QTGAL: variants seen among roughly 807,000 people sequenced by gnomAD.
QTGAL encodes the protein BGnT-like protein 1.
the QTGAL span, among the ~76,000 whole-genome samples, chr17:82,991,880 A>C: frequency 6.6e-6 from 1 of 152,210 alleles, no homozygotes; most frequent in Non-Finnish European, 1.5e-5. Context: ...AATTAAAAAG[A>C]AGCAGAAATT....
chr17:83,016,297 G>T, the QTGAL span, among the ~76,000 whole-genome samples: 1 of 152,150 alleles, frequency 6.6e-6, no homozygotes, highest in Non-Finnish European at 1.5e-5. Context: ...TGAACGCTAA[G>T]ATGAACTAAA....
At chr17:82,959,463 A>AGT in the QTGAL span, among the ~76,000 whole-genome samples, 2,993 of 151,232 alleles carry the variant, frequency 0.02, 51 homozygotes, top group Non-Finnish European at 0.03. Context: ...GTGCACGTGC[A>AGT]GTGTGTGTGT....
the QTGAL span, among the ~76,000 whole-genome samples, chr17:82,954,645 T>A: frequency 6.6e-6 from 1 of 152,208 alleles, no homozygotes; most frequent in Non-Finnish European, 1.5e-5. Flanking sequence ...AAATTTCATA[T>A]GAAACCAAAA....
the QTGAL span, chr17:82,957,556 C>T: frequency 9.8e-6 from 15 of 1,524,426 alleles, no homozygotes; most frequent in Admixed American, 2.0e-5. Flanking sequence ...CAGATGCTGA[C>T]ATACAGGGAC....
At chr17:83,006,600 C>A in the QTGAL span, 1 of 985,462 alleles carries the variant, frequency 1.0e-6, no homozygotes. The surrounding 1 kb of genome is among the most constrained non-coding windows in gnomAD (Gnocchi z 5.8). Flanking sequence ...AGCCCCTCAA[C>A]GGCAGCCGCT....
the QTGAL span, among the ~76,000 whole-genome samples, chr17:82,989,809 AAAC>A: frequency 6.6e-6 from 1 of 152,222 alleles, no homozygotes; most frequent in Non-Finnish European, 1.5e-5. Context: ...AAAATAGAAA[AAAC>A]AAACAAAAAT....
chr17:82,961,100 G>A, the QTGAL span: 1 of 1,610,628 alleles, frequency 6.2e-7, no homozygotes, highest in Non-Finnish European at 8.5e-7. Context: ...TGGCGATACA[G>A]CAGGAGACTC....
the QTGAL span, among the ~76,000 whole-genome samples, chr17:83,035,548 A>G: frequency 6.8e-6 from 1 of 147,722 alleles, no homozygotes; most frequent in Non-Finnish European, 1.5e-5. Context: ...AAGGAATGAA[A>G]GGAAAGTCAG....
the QTGAL span, among the ~76,000 whole-genome samples, chr17:82,957,973 G>A: frequency 6.6e-6 from 1 of 152,012 alleles, no homozygotes; most frequent in South Asian, 2.1e-4. Flanking sequence ...GTGACAAGTC[G>A]ACCCCAGGCT....
the QTGAL span, among the ~76,000 whole-genome samples, chr17:83,007,636 A>C: frequency 6.6e-6 from 1 of 151,930 alleles, no homozygotes; most frequent in African/African-American, 2.4e-5. Flanking sequence ...GGGGCATGAG[A>C]GGCGCCTCTC....
At chr17:83,016,522 G>C in the QTGAL span, among the ~76,000 whole-genome samples, 1 of 137,514 alleles carries the variant, frequency 7.3e-6, no homozygotes. Context: ...GAAGAGGGCA[G>C]AAGAGGAGGG....
At chr17:83,050,569 G>GA in the QTGAL span, among the ~76,000 whole-genome samples, 30 of 151,650 alleles carry the variant, frequency 2.0e-4, no homozygotes, top group Admixed American at 8.5e-4. Context: ...AAAAAGGCTG[G>GA]AAAAAAAACA....
At chr17:82,956,602 A>C in the QTGAL span, 1 of 1,348,948 alleles carries the variant, frequency 7.4e-7, no homozygotes, top group East Asian at 2.5e-5. The surrounding 1 kb of genome is among the most constrained non-coding windows in gnomAD (Gnocchi z 5.7). Flanking sequence ...GTCTCATCCC[A>C]GGCCACACAG....
At chr17:83,045,884 G>A in the QTGAL span, among the ~76,000 whole-genome samples, 4,540 of 151,948 alleles carry the variant, frequency 0.03, 232 homozygotes, top group African/African-American at 0.1. Flanking sequence ...GTACGATCTC[G>A]GCTCACAGCA....
the QTGAL span, among the ~76,000 whole-genome samples, chr17:82,963,952 A>C: frequency 6.7e-6 from 1 of 149,786 alleles, no homozygotes; most frequent in African/African-American, 2.5e-5. Flanking sequence ...CTAAAAAAAG[A>C]AATTTTAAGA....
chr17:83,011,640 G>T, the QTGAL span: 1 of 152,212 alleles, frequency 6.6e-6, no homozygotes, highest in African/African-American at 2.4e-5. Context: ...GAGCTTCGAC[G>T]TGGAGAAACG....
the QTGAL span, chr17:83,048,493 G>T: frequency 6.2e-7 from 1 of 1,612,696 alleles, no homozygotes; most frequent in South Asian, 1.1e-5. Context: ...AGGGAGAATC[G>T]TGCCCCCCAA....
At chr17:83,020,347 G>A in the QTGAL span, among the ~76,000 whole-genome samples, 1 of 152,124 alleles carries the variant, frequency 6.6e-6, no homozygotes, top group African/African-American at 2.4e-5. Context: ...CAATTACAAA[G>A]CCCAGGCCAG....
At chr17:83,026,773 CG>C in the QTGAL span, among the ~76,000 whole-genome samples, 1 of 105,042 alleles carries the variant, frequency 9.5e-6, no homozygotes. Flanking sequence ...CAGAGGAGGG[CG>C]GGGAGCCTGC....
Sources: allele counts gnomAD v4.1 joint callset (sites outside exome capture counted in the v4.1 genomes callset), GRCh38; gene constraint gnomAD v4.1.1; non-coding constraint Gnocchi (gnomAD v3.1); transcripts MANE v1.5; gene names NCBI Gene and HGNC (gene_info 2026-07-23, HGNC 2026-07-21).